SOX5: variants seen among roughly 807,000 people sequenced by gnomAD.
SOX5 encodes transcription factor SOX-5.
In SOX5, 9 loss-of-function variants were observed where a neutral mutation model predicts 92.0. That is an observed-to-expected ratio of 0.10 (90% CI 0.06 to 0.17). SOX5 has a LOEUF of 0.17. Among genes scored for constraint, SOX5 ranks in the 10% least tolerant of loss-of-function variants. SOX5 has a pLI of 1.00. For synonymous variants in SOX5, 344 were observed against 336.3 expected (o/e 1.02, Z -0.25); for missense variants, 642 against 944.5 (o/e 0.68, Z 4.20).
chr12:24,560,979 T>TG (rs1481949141), intron 1 of SOX5, among the ~76,000 whole-genome samples: 1 of 152,240 alleles, frequency 6.6e-6, no homozygotes, highest in African/African-American at 2.4e-5. Flanking sequence ...CCAGTCCCTT[T>TG]GCAGATTCCC....
intron 4 of SOX5, among the ~76,000 whole-genome samples, chr12:23,746,308 G>A (rs567448429): frequency 6.6e-6 from 1 of 152,086 alleles, no homozygotes; most frequent in South Asian, 2.1e-4. Flanking sequence ...AGGCCTCCCA[G>A]CAAAAAGGAG....
intron 1 of SOX5, among the ~76,000 whole-genome samples, chr12:24,525,278 G>A (rs1471472162): frequency 6.6e-6 from 1 of 152,118 alleles, no homozygotes; most frequent in East Asian, 1.9e-4. Context: ...AGTGAAATAA[G>A]CCAGTCACAG....
intron 1 of SOX5, among the ~76,000 whole-genome samples, chr12:24,429,507 G>T (rs1031696809): frequency 6.6e-6 from 1 of 151,918 alleles, no homozygotes; most frequent in Non-Finnish European, 1.5e-5. Flanking sequence ...TGTGGATGGG[G>T]TGGGGGAAGA....
intron 2 of SOX5, among the ~76,000 whole-genome samples, chr12:24,364,574 A>T (rs1018454945): frequency 5.6e-5 from 8 of 142,198 alleles, no homozygotes; most frequent in Non-Finnish European, 1.2e-4. Flanking sequence ...TATTCTTTAC[A>T]TAAGTGAGAA....
At chr12:24,221,841 G>A (rs1960522317) in intron 3 of SOX5, among the ~76,000 whole-genome samples, 1 of 152,230 alleles carries the variant, frequency 6.6e-6, no homozygotes, top group Non-Finnish European at 1.5e-5. Context: ...GTAAGGAGGT[G>A]AGGGATGTGT....
intron 6 of SOX5, among the ~76,000 whole-genome samples, chr12:23,700,349 G>C (rs1426698546): frequency 6.6e-6 from 1 of 152,076 alleles, no homozygotes; most frequent in Non-Finnish European, 1.5e-5. Context: ...TTTTGTGTTA[G>C]CTTACAGTGT....
At chr12:23,593,612 A>G (rs979279137) in intron 9 of SOX5, among the ~76,000 whole-genome samples, 1 of 152,224 alleles carries the variant, frequency 6.6e-6, no homozygotes, top group African/African-American at 2.4e-5. Flanking sequence ...ATCTTTGTAT[A>G]TAAACTCATC....
intron 1 of SOX5, among the ~76,000 whole-genome samples, chr12:24,433,581 GA>G (rs549555611): frequency 8.5e-5 from 13 of 152,166 alleles, no homozygotes; most frequent in Middle Eastern, 3.4e-3. Context: ...AACTGAGGGG[GA>G]AAAAATCACA....
intron 1 of SOX5, among the ~76,000 whole-genome samples, chr12:24,514,493 T>C (rs1949598872): frequency 6.6e-6 from 1 of 152,212 alleles, no homozygotes; most frequent in African/African-American, 2.4e-5. Context: ...CCAACATTTT[T>C]CTCATTGATG....
chr12:24,293,329 C>T (rs965632161), intron 2 of SOX5, among the ~76,000 whole-genome samples: 2 of 152,232 alleles, frequency 1.3e-5, no homozygotes, highest in Non-Finnish European at 1.5e-5. Context: ...GCTTCACTCA[C>T]TTTAAGACAA....
chr12:24,064,319 G>A (rs182333192), intron 4 of SOX5, among the ~76,000 whole-genome samples: 1 of 152,076 alleles, frequency 6.6e-6, no homozygotes, highest in Non-Finnish European at 1.5e-5. Flanking sequence ...AATGCAATAC[G>A]GCAAATATCC....
intron 3 of SOX5, among the ~76,000 whole-genome samples, chr12:23,759,010 A>AACACACACACACACACACACACAC (rs761303900): frequency 9.2e-6 from 1 of 108,362 alleles, no homozygotes; most frequent in Admixed American, 1.2e-4. Context: ...GGCAACACAA[A>AACACACACACACACACACACACAC]ACACACACAC....
chr12:23,737,740 A>T (rs1567349801), intron 5 of SOX5, among the ~76,000 whole-genome samples: 1 of 152,020 alleles, frequency 6.6e-6, no homozygotes, highest in Non-Finnish European at 1.5e-5. Flanking sequence ...TGTACACACC[A>T]AGGATGCTCC....
At chr12:23,963,266 CAGG>C (rs1947160017) in intron 4 of SOX5, among the ~76,000 whole-genome samples, 1 of 152,128 alleles carries the variant, frequency 6.6e-6, no homozygotes, top group Admixed American at 6.5e-5. Context: ...TGACAAAACA[CAGG>C]AGAATATAGG....
chr12:24,008,124 T>C (rs1284533040), intron 4 of SOX5, among the ~76,000 whole-genome samples: 2 of 152,116 alleles, frequency 1.3e-5, no homozygotes, highest in Middle Eastern at 3.2e-3. Flanking sequence ...TCTAGTCTAC[T>C]AATTTAGGGA....
At chr12:23,855,580 A>G (rs2096678288) in intron 2 of SOX5, among the ~76,000 whole-genome samples, 1 of 152,112 alleles carries the variant, frequency 6.6e-6, no homozygotes, top group Admixed American at 6.6e-5. Flanking sequence ...AGATGTGCAC[A>G]TCAAGCTTTT....
intron 10 of SOX5, among the ~76,000 whole-genome samples, chr12:23,567,535 A>C (rs1947352317): frequency 7.1e-6 from 1 of 140,534 alleles, no homozygotes. Flanking sequence ...ATCATAGCTC[A>C]CTGCAACCTT....
chr12:24,360,173 C>T (rs1955380100), intron 2 of SOX5, among the ~76,000 whole-genome samples: 1 of 152,128 alleles, frequency 6.6e-6, no homozygotes, highest in Non-Finnish European at 1.5e-5. Context: ...GTAACTTCCT[C>T]CTCAAATAGG....
At chr12:24,537,288 T>C (rs1320127522) in intron 1 of SOX5, among the ~76,000 whole-genome samples, 2 of 151,988 alleles carry the variant, frequency 1.3e-5, no homozygotes, top group Non-Finnish European at 2.9e-5. Flanking sequence ...TTACAGGGGG[T>C]TTAGCAGACT....
Sources: gnomAD v4.1 joint callset for allele counts (sites outside exome capture counted in the v4.1 genomes callset) on GRCh38, gnomAD v4.1.1 for gene constraint, MANE v1.5 for transcripts, NCBI Gene and HGNC (gene_info 2026-07-23, HGNC 2026-07-21) for gene names.